HPCAL1: variants seen among roughly 807,000 people sequenced by gnomAD.
HPCAL1 encodes hippocalcin like 1.
HPCAL1 carries 8 observed loss-of-function variants against 17.1 expected under a neutral mutation model. That is an observed-to-expected ratio of 0.47 (90% CI 0.27 to 0.84). The LOEUF (loss-of-function observed/expected upper bound fraction) is 0.84. Ranked by LOEUF, HPCAL1 falls within the 40% of genes least tolerant of loss-of-function variation. The pLI is 0.13. For missense variants in HPCAL1, 165 were observed against 271.1 expected, an observed-to-expected ratio of 0.61 and a Z score of 2.75; for synonymous variants, 112 against 111.4, an observed-to-expected ratio of 1.01 and a Z score of -0.03.
chr2:10,346,520 C>T (rs530360310), intron 1 of HPCAL1, among the ~76,000 whole-genome samples: 1 of 152,246 alleles, frequency 6.6e-6, no homozygotes, highest in South Asian at 2.1e-4. Context: ...ATGTTTAACC[C>T]TCTAGGTCTC....
chr2:10,344,959 G>A lies in HPCAL1; in HGVS notation c.-111+41782G>A, dbSNP rs1259484011. ...TCAGTCTCTTTCTGCCTCTCTCTAT[G>A]TGTCCATCTCTCTCTCTTTTTCTGT... On this transcript the variant is annotated intron_variant, in intron 1 of 4. Coordinates refer to ENST00000307845, the MANE Select transcript of HPCAL1 (RefSeq NM_002149.4). This position sits in a 1 kb window ranked among gnomAD's most constrained non-coding sequence, Gnocchi z 4.9. 6.7e-6 allele frequency among the ~76,000 whole-genome samples: 1 copy of A among 149,354 alleles called. No individual in the cohort carries two copies. The highest frequency in any genetic ancestry group is 1.5e-5 in the Non-Finnish European group (1 of 67,470).
At chr2:10,411,293 C>T (rs1213642177) in intron 2 of HPCAL1, among the ~76,000 whole-genome samples, 5 of 152,124 alleles carry the variant, frequency 3.3e-5, no homozygotes, top group African/African-American at 1.2e-4. Flanking sequence ...AGGAGGTGGG[C>T]TCTCCACTCA....
At chr2:10,349,506 ATCCTG>A (rs1242264350) in intron 1 of HPCAL1, among the ~76,000 whole-genome samples, 4 of 145,448 alleles carry the variant, frequency 2.8e-5, no homozygotes, top group Non-Finnish European at 4.6e-5. Context: ...AGGAGAGACC[ATCCTG>A]GCTAACACGG....
chr2:10,421,692 C>T (rs1671072506), intron 3 of HPCAL1, among the ~76,000 whole-genome samples: 1 of 152,198 alleles, frequency 6.6e-6, no homozygotes, highest in South Asian at 2.1e-4. Context: ...CAGAGTGAGA[C>T]CCTGCCTCCA....
intron 1 of HPCAL1, among the ~76,000 whole-genome samples, chr2:10,336,338 C>T (rs1225779609): frequency 6.6e-6 from 1 of 152,162 alleles, no homozygotes; most frequent in African/African-American, 2.4e-5. Context: ...GAGACTAATC[C>T]TTTGTCAGTT....
rs1021497046 is a variant in HPCAL1 at position 10,363,520 on chromosome 2, G to A, written c.-110-33315G>A. The stretch of plus-strand genomic sequence containing the variant: ...CCTGCCTATACCCTCTACACGTGGC[G>A]TTTCAGGTCTGGAGAGTCATGTGGT... On this transcript the variant is annotated intron_variant, in intron 1 of 4. Coordinates refer to ENST00000307845, the MANE Select transcript of HPCAL1 (RefSeq NM_002149.4). The surrounding 1 kb of genome is among the most constrained non-coding windows in gnomAD (Gnocchi z 4.7). 3.3e-5 allele frequency among the ~76,000 whole-genome samples: 5 copies of A among 152,178 alleles called. No individual in the cohort carries two copies. The highest frequency in any genetic ancestry group is 5.9e-5 in the Non-Finnish European group (4 of 68,036).
intron 2 of HPCAL1, among the ~76,000 whole-genome samples, chr2:10,409,367 T>C (rs1363082049): frequency 6.6e-6 from 1 of 152,196 alleles, no homozygotes; most frequent in Non-Finnish European, 1.5e-5. Flanking sequence ...TCCCTGCACC[T>C]GGGTCCTGGC....
chr2:10,323,660 C>A lies in HPCAL1; in HGVS notation c.-111+20483C>A, dbSNP rs1358552973. On this transcript the variant is annotated intron_variant, in intron 1 of 4. Coordinates refer to ENST00000307845, the MANE Select transcript of HPCAL1 (RefSeq NM_002149.4). This position sits in a 1 kb window ranked among gnomAD's most constrained non-coding sequence, Gnocchi z 4.6. ...CACTCTAATGAAAATAATAAAAGCT[C>A]AAATGACCAGCACTGTCCTACTGCT... is the stretch of plus-strand genomic sequence containing the variant. Among the ~76,000 whole-genome samples, 2 of 152,198 alleles carry A rather than the reference C, an allele frequency of 1.3e-5. No homozygotes were observed. Among genetic ancestry groups the A allele is most frequent in the Non-Finnish European group, 2.9e-5 (2 of 68,040 alleles).
chr2:10,310,784 C>T lies in HPCAL1; in HGVS notation c.-111+7607C>T, dbSNP rs1039725825. Among the ~76,000 whole-genome samples, 9 of 152,120 alleles carry T rather than the reference C, an allele frequency of 5.9e-5. No individual in the cohort carries two copies. The highest frequency in any genetic ancestry group is 1.9e-4 in the East Asian group (1 of 5,188). On this transcript the variant is annotated intron_variant, in intron 1 of 4. Transcript: ENST00000307845. The surrounding 1 kb of genome is among the most constrained non-coding windows in gnomAD (Gnocchi z 4.5). ...ACTGCTGGGCACACTTGCAGAATTG[C>T]GGTTCTGTACAGCAGTGTGTATCGA... is the stretch of plus-strand genomic sequence containing the variant.
chr2:10,369,799 C>G (rs1289459460), intron 1 of HPCAL1, among the ~76,000 whole-genome samples: 1 of 152,190 alleles, frequency 6.6e-6, no homozygotes, highest in Admixed American at 6.5e-5. Context: ...CTAGGGAAAG[C>G]TGAAATTGAG....
rs1666034937 is a variant in HPCAL1 at position 10,354,773 on chromosome 2, C to G, written c.-110-42062C>G. Reference sequence around the variant, plus strand: ...AGGATATGGATGTGAGCTTATTGTACAAATGCCCTGGGTTTTCCAAACGTG... The same window carrying G: ...AGGATATGGATGTGAGCTTATTGTAGAAATGCCCTGGGTTTTCCAAACGTG... On this transcript the variant is annotated intron_variant, in intron 1 of 4. Coordinates refer to ENST00000307845, the MANE Select transcript of HPCAL1 (RefSeq NM_002149.4). This position sits in a 1 kb window ranked among gnomAD's most constrained non-coding sequence, Gnocchi z 5.1. 6.6e-6 allele frequency among the ~76,000 whole-genome samples: 1 copy of G among 152,270 alleles called. No homozygotes were observed. Among genetic ancestry groups the G allele is most frequent in the Admixed American group, 6.5e-5 (1 of 15,288 alleles).
intron 1 of HPCAL1, among the ~76,000 whole-genome samples, chr2:10,390,217 C>G (rs1432409079): frequency 6.6e-6 from 1 of 152,168 alleles, no homozygotes; most frequent in East Asian, 1.9e-4. Context: ...CCTGGATGGT[C>G]TCATGTGGAC....
At chr2:10,383,606 G>A (rs1039785106) in intron 1 of HPCAL1, among the ~76,000 whole-genome samples, 12 of 151,850 alleles carry the variant, frequency 7.9e-5, no homozygotes, top group Non-Finnish European at 1.5e-4. Flanking sequence ...CAAGTGATCT[G>A]CCCACTTCAG....
At chr2:10,409,582 G>T (rs947535789) in intron 2 of HPCAL1, among the ~76,000 whole-genome samples, 2 of 152,096 alleles carry the variant, frequency 1.3e-5, no homozygotes, top group Non-Finnish European at 2.9e-5. Flanking sequence ...AGCGGTCACC[G>T]GGAGAAAGAA....
intron 1 of HPCAL1, among the ~76,000 whole-genome samples, chr2:10,320,831 G>A (rs1663628488): frequency 6.6e-6 from 1 of 152,210 alleles, no homozygotes; most frequent in Non-Finnish European, 1.5e-5. Context: ...CAGAAGACCT[G>A]CCCGCTCAGG....
At chr2:10,315,171 T>C (rs943237504) in intron 1 of HPCAL1, among the ~76,000 whole-genome samples, 27 of 151,930 alleles carry the variant, frequency 1.8e-4, no homozygotes, top group Admixed American at 8.5e-4. Flanking sequence ...CGGGTGCCTG[T>C]AGTCCCAGCT....
intron 1 of HPCAL1, among the ~76,000 whole-genome samples, chr2:10,383,755 C>T (rs1668121559): frequency 6.6e-6 from 1 of 152,008 alleles, no homozygotes; most frequent in African/African-American, 2.4e-5. Flanking sequence ...CGAGTCTCCT[C>T]ACCTCAGCAC....
intron 3 of HPCAL1, 84 bp downstream of exon 3, chr2:10,420,219 T>TG (rs1670974264): frequency 1.6e-6 from 2 of 1,238,608 alleles, no homozygotes; most frequent in Non-Finnish European, 2.2e-6. Flanking sequence ...CTTTTTTTTT[T>TG]TTTTTTTTTT....
chr2:10,358,360 G>A (rs1666310515), intron 1 of HPCAL1, among the ~76,000 whole-genome samples: 1 of 152,188 alleles, frequency 6.6e-6, no homozygotes. Flanking sequence ...TACGGAAGTG[G>A]GGCAGGGAAG....
Sources: gnomAD v4.1 joint callset for allele counts (sites outside exome capture counted in the v4.1 genomes callset) on GRCh38, gnomAD v4.1.1 for gene constraint, Gnocchi (gnomAD v3.1) non-coding constraint, MANE v1.5 for transcripts, NCBI Gene and HGNC (gene_info 2026-07-23, HGNC 2026-07-21) for gene names.